The following CSGALNACT1 variants were observed in gnomAD, a reference collection of about 807,000 sequenced individuals.
The protein encoded by CSGALNACT1 is beta4GalNAcT-1.
Under a neutral mutation model 51.0 loss-of-function variants are expected in CSGALNACT1, and 52 were observed. The ratio of observed to expected loss-of-function variants is 1.02; its 90% CI spans 0.82 to 1.29. The LOEUF (loss-of-function observed/expected upper bound fraction) is 1.29, where lower values mean the gene tolerates loss of function less well. Ranked by LOEUF, CSGALNACT1 falls within the 50% of genes most tolerant of loss-of-function variation. The pLI is 0.00. For missense variants in CSGALNACT1, 935 were observed against 679.2 expected (o/e 1.38, Z -4.19); for synonymous variants, 341 against 254.4 (o/e 1.34, Z -3.24).
At chr8:19,603,640 T>C (rs533389288), upstream of CSGALNACT1, among the ~76,000 whole-genome samples, 1 of 152,238 alleles carries the variant, frequency 6.6e-6, no homozygotes, top group African/African-American at 2.4e-5. Flanking sequence ...AGCTTATAAT[T>C]TGGCTTCCAA....
chr8:19,631,462 T>C (rs1488305228), intron 1 of CSGALNACT1, among the ~76,000 whole-genome samples: 6 of 152,196 alleles, frequency 3.9e-5, no homozygotes, highest in African/African-American at 9.7e-5. Flanking sequence ...TAGACTAAAA[T>C]AGAAAACAAG....
At chr8:19,535,979 T>C (rs2083647026) in intron 3 of CSGALNACT1, among the ~76,000 whole-genome samples, 1 of 152,022 alleles carries the variant, frequency 6.6e-6, no homozygotes, top group African/African-American at 2.4e-5. Context: ...TTCTAGCCAA[T>C]GCAAGTGAAG....
intron 1 of CSGALNACT1, among the ~76,000 whole-genome samples, chr8:19,666,827 GAGAGAGAAAGAAAGAA>G (rs1296765619): frequency 0.014 from 549 of 40,008 alleles, 24 homozygotes; most frequent in Middle Eastern, 0.031. Flanking sequence ...GAGAGAGAGA[GAGAGAGAAAGAAAGAA>G]AGAAAGAAAG....
At chr8:19,576,651 TCAC>T (rs937267841) in intron 3 of CSGALNACT1, among the ~76,000 whole-genome samples, 5 of 150,884 alleles carry the variant, frequency 3.3e-5, no homozygotes, top group Non-Finnish European at 5.9e-5. Context: ...TCATTAGATC[TCAC>T]CACATTATCC....
intron 3 of CSGALNACT1, among the ~76,000 whole-genome samples, chr8:19,567,325 A>G (rs1365836330): frequency 6.6e-6 from 1 of 152,238 alleles, no homozygotes; most frequent in Non-Finnish European, 1.5e-5. Context: ...GAGTAGAAGG[A>G]TCAGCCTAGA....
chr8:19,718,957 C>T (rs1385062554), intron 1 of CSGALNACT1, among the ~76,000 whole-genome samples: 2 of 152,148 alleles, frequency 1.3e-5, no homozygotes, highest in Non-Finnish European at 2.9e-5. Flanking sequence ...GATCTCTCAC[C>T]GTTGTAAAGA....
intron 4 of CSGALNACT1, among the ~76,000 whole-genome samples, chr8:19,489,717 T>G (rs1482539718): frequency 6.6e-6 from 1 of 152,190 alleles, no homozygotes; most frequent in Non-Finnish European, 1.5e-5. Context: ...GGTCCCATAT[T>G]GTCTTTTCAC....
intron 6 of CSGALNACT1, among the ~76,000 whole-genome samples, chr8:19,435,304 C>T (rs531080048): frequency 6.6e-6 from 1 of 152,094 alleles, no homozygotes; most frequent in Non-Finnish European, 1.5e-5. Context: ...ACCATCCTGG[C>T]CAACTTGGTG....
chr8:19,431,067 T>C (rs769142804), intron 6 of CSGALNACT1, among the ~76,000 whole-genome samples: 4 of 152,144 alleles, frequency 2.6e-5, no homozygotes, highest in Non-Finnish European at 4.4e-5. Flanking sequence ...TTAGCTCTAA[T>C]AGTTTTGTGG....
intron 3 of CSGALNACT1, among the ~76,000 whole-genome samples, chr8:19,567,919 G>A (rs1384953586): frequency 1.3e-5 from 2 of 152,062 alleles, no homozygotes; most frequent in East Asian, 1.9e-4. Flanking sequence ...AAAGTACCTA[G>A]AAATGAATTT....
intron 3 of CSGALNACT1, among the ~76,000 whole-genome samples, chr8:19,555,284 A>G (rs374312357): frequency 3.2e-4 from 48 of 152,234 alleles, no homozygotes; most frequent in African/African-American, 1.1e-3. Context: ...AGGGTCAGTT[A>G]TAGGAGTTAA....
intron 1 of CSGALNACT1, among the ~76,000 whole-genome samples, chr8:19,722,031 AT>A (rs201067818): frequency 0.043 from 6,571 of 151,946 alleles, 203 homozygotes; most frequent in Middle Eastern, 0.075. Context: ...TTCATATTGA[AT>A]TTTTTTTTCT....
intron 7 of CSGALNACT1, 152 bp downstream of exon 6, chr8:19,420,188 A>G (rs2057686603): frequency 1.4e-6 from 1 of 733,430 alleles, no homozygotes; most frequent in African/African-American, 1.7e-5. Context: ...GTGAGAACAG[A>G]CTAATACAGA....
chr8:19,510,504 G>GT (rs1401834780), intron 3 of CSGALNACT1, among the ~76,000 whole-genome samples: 1 of 152,110 alleles, frequency 6.6e-6, no homozygotes, highest in Non-Finnish European at 1.5e-5. Flanking sequence ...TCAATGCACT[G>GT]TATAAAAAGT....
At chr8:19,504,825 T>C (rs1461583129) in intron 4 of CSGALNACT1, among the ~76,000 whole-genome samples, 1 of 152,214 alleles carries the variant, frequency 6.6e-6, no homozygotes, top group Non-Finnish European at 1.5e-5. Context: ...AGTGCAATAA[T>C]ATGTGCGTGT....
chr8:19,693,392 T>C (rs3735958), intron 1 of CSGALNACT1, among the ~76,000 whole-genome samples: 38,483 of 152,002 alleles, frequency 0.25, 5,170 homozygotes, highest in Middle Eastern at 0.38. Context: ...GCCTTTGTCA[T>C]AGTAACGGTT....
At chr8:19,679,648 A>C (rs1210713881) in intron 1 of CSGALNACT1, among the ~76,000 whole-genome samples, 1 of 152,090 alleles carries the variant, frequency 6.6e-6, no homozygotes, top group Non-Finnish European at 1.5e-5. Context: ...CTGTGCACAA[A>C]GGAAGGTCCG....
chr8:19,540,642 T>C (rs1563963963), intron 3 of CSGALNACT1, among the ~76,000 whole-genome samples: 1 of 152,312 alleles, frequency 6.6e-6, no homozygotes, highest in East Asian at 1.9e-4. Flanking sequence ...TACTTCCTTC[T>C]CCTGCCTCAA....
At chr8:19,580,177 T>C (rs7821612) in intron 3 of CSGALNACT1, among the ~76,000 whole-genome samples, 5,072 of 152,200 alleles carry the variant, frequency 0.033, 302 homozygotes, top group African/African-American at 0.11. Context: ...AAATGAAATC[T>C]AGGACTTCCA....
Sources: gnomAD v4.1 joint callset for allele counts (sites outside exome capture counted in the v4.1 genomes callset) on GRCh38, gnomAD v4.1.1 for gene constraint, MANE v1.5 for transcripts, NCBI Gene and HGNC (gene_info 2026-07-23, HGNC 2026-07-21) for gene names.